Variants in ZNF2 observed in about 807,000 individuals in gnomAD.
The protein encoded by ZNF2 is zinc finger protein 2, also known as zinc finger protein 2.2.
Under a neutral mutation model 21.9 loss-of-function variants are expected in ZNF2, and 12 were observed. That is an observed-to-expected ratio of 0.55 (90% CI 0.35 to 0.89). The LOEUF (loss-of-function observed/expected upper bound fraction) is 0.89, where lower values mean the gene tolerates loss of function less well. ZNF2 is among the 40% of genes least tolerant of loss of function. ZNF2 has a pLI of 0.01. For missense variants in ZNF2, 462 were observed against 544.2 expected, an observed-to-expected ratio of 0.85 and a Z score of 1.50; for synonymous variants, 186 against 196.3, an observed-to-expected ratio of 0.95 and a Z score of 0.44.
chr2:95,169,615 TGGCA>T (rs1674203248), intron 1 of ZNF2, among the ~76,000 whole-genome samples: 1 of 152,064 alleles, frequency 6.6e-6, no homozygotes, highest in African/African-American at 2.4e-5. Context: ...CCAGGCATGG[TGGCA>T]GGCACCTATA....
At position 95,181,783 on chromosome 2, in the gene ZNF2, G is replaced by T. The variant is rs376640077; in HGVS notation, c.955G>T (p.Gly319Trp). The T allele has an allele frequency of 3.7e-6, 6 of 1,614,090 alleles. No individual in the cohort carries two copies. The African/African-American group carries it at 8.0e-5, about 22-fold the overall frequency. Residue 319 changes from glycine (G) to tryptophan (W), a missense_variant, in exon 5 of 5, where the codon GGG becomes TGG. Coordinates refer to ENST00000614034, the MANE Select transcript of ZNF2 (RefSeq NM_021088.4). ...GAAGCCTTATGAGTGTAACGAGTGC[G>T]GGAAAGCTTTCTATGGTGTCTCGTC... ...GRKPYECNEC[G>W]KAFYGVSSLN...
At position 95,182,329 on chromosome 2, in the gene ZNF2, G is replaced by T; in HGVS notation, c.*223G>T. ...AAGATACAAAATTTTGAAGAGGTTT[G>T]TCAGACAATAGGATAGATGTTAGGA... is the stretch of plus-strand genomic sequence containing the variant. On this transcript the variant is annotated 3_prime_UTR_variant, in exon 5 of 5. Coordinates refer to ENST00000614034, the MANE Select transcript of ZNF2 (RefSeq NM_021088.4). The T allele has an allele frequency of 1.8e-6, 1 of 547,588 alleles. No homozygotes were observed. Among genetic ancestry groups the T allele is most frequent in the East Asian group, 3.2e-5 (1 of 31,484 alleles). 33.9% of individuals were successfully genotyped at this position (547,588 alleles called of 1,614,324 possible).
At chr2:95,180,301 A>G (rs375545492) in intron 4 of ZNF2, 29 bp downstream of exon 4, 26 of 1,517,220 alleles carry the variant, frequency 1.7e-5, no homozygotes, top group Non-Finnish European at 2.3e-5. Context: ...GACAGAATGG[A>G]ATTTTGTTTG....
At chr2:95,178,759 G>A (rs1325505545) in intron 3 of ZNF2, among the ~76,000 whole-genome samples, 1 of 152,134 alleles carries the variant, frequency 6.6e-6, no homozygotes, top group Non-Finnish European at 1.5e-5. Context: ...GTATGCAGAT[G>A]TTCATCACAC....
intron 4 of ZNF2, among the ~76,000 whole-genome samples, chr2:95,180,486 G>A (rs1035045389): frequency 3.3e-5 from 5 of 150,586 alleles, no homozygotes; most frequent in Middle Eastern, 3.5e-3. Context: ...CGTCTGTAAC[G>A]TTGTGCACTC....
rs752724819 is a variant in ZNF2, at chr2:95,181,431, C to T, written c.603C>T (p.Tyr201=). ...HQRTHTGEKP[Y]DCRECGKAFS... ...GGACTCACACTGGGGAGAAGCCCTA[C>T]GACTGCCGCGAGTGTGGGAAAGCCT... The change falls in exon 5 of 5, where the codon TAC becomes TAT. Residue 201 remains tyrosine, a synonymous_variant. Transcript: ENST00000614034. The T allele has an allele frequency of 3.2e-5, 51 of 1,614,056 alleles. No individual in the cohort carries two copies. The highest frequency in any genetic ancestry group is 1.5e-4 in the Admixed American group (9 of 60,010).
At chr2:95,166,435 G>A (rs1166522083) in intron 1 of ZNF2, among the ~76,000 whole-genome samples, 1 of 152,104 alleles carries the variant, frequency 6.6e-6, no homozygotes, top group African/African-American at 2.4e-5. Flanking sequence ...AGGTACGCTG[G>A]GAGCCAGGGC....
chr2:95,170,929 T>C (rs995923901), intron 1 of ZNF2, among the ~76,000 whole-genome samples: 12 of 152,248 alleles, frequency 7.9e-5, no homozygotes, highest in African/African-American at 4.8e-5. Context: ...TACATACTTA[T>C]ATGAGTAGAT....
chr2:95,169,871 C>T (rs1674214745), intron 1 of ZNF2, among the ~76,000 whole-genome samples: 1 of 152,210 alleles, frequency 6.6e-6, no homozygotes. Flanking sequence ...TTACTTAGCA[C>T]ATTATTCTAA....
rs768204060 is a variant in ZNF2 at position 95,181,969 on chromosome 2, C to A, written c.1141C>A (p.Arg381=). The A allele has an allele frequency of 3.7e-6, 6 of 1,614,172 alleles. No homozygotes were observed. Among genetic ancestry groups the A allele is most frequent in the Non-Finnish European group, 5.1e-6 (6 of 1,180,062 alleles). ...CGAATGCGGGAAAGCCTTTAGCCAGCGGTGCCGGCTCACGCGGCATCAGCG... is the reference window on the plus strand; with the variant it reads ...CGAATGCGGGAAAGCCTTTAGCCAGAGGTGCCGGCTCACGCGGCATCAGCG... ...CSECGKAFSQ[R]CRLTRHQRVH... Residue 381 remains arginine, a synonymous_variant, in exon 5 of 5, where the codon CGG becomes AGG. Transcript: ENST00000614034.
chr2:95,171,442 G>A (rs1399481289), intron 1 of ZNF2, among the ~76,000 whole-genome samples: 1 of 151,530 alleles, frequency 6.6e-6, no homozygotes, highest in Non-Finnish European at 1.5e-5. Flanking sequence ...GAGTGCAGTG[G>A]TGTGATCTCG....
chr2:95,178,744 A>G (rs534333621), intron 3 of ZNF2, among the ~76,000 whole-genome samples: 17 of 152,232 alleles, frequency 1.1e-4, no homozygotes, highest in Non-Finnish European at 1.9e-4. Context: ...CTAGTAGTCC[A>G]TGGTGTATGC....
intron 1 of ZNF2, among the ~76,000 whole-genome samples, chr2:95,171,670 C>T (rs1271875748): frequency 1.3e-5 from 2 of 152,180 alleles, no homozygotes; most frequent in Admixed American, 1.3e-4. Flanking sequence ...CGTGAGCCAC[C>T]GCACCCAGCC....
rs751944935 is a variant in ZNF2, at chr2:95,181,154, G to A, written c.326G>A (p.Gly109Glu). 1.2e-6 allele frequency: 2 copies of A among 1,614,072 alleles called. No homozygotes were observed. The highest frequency in any genetic ancestry group is 1.7e-5 in the Admixed American group (1 of 60,004). The change falls in exon 5 of 5, where the codon GGA (glycine) becomes GAA (glutamate). Residue 109 changes from glycine (G) to glutamate (E), a missense_variant. Physicochemically the swap from Gly to Glu is moderately conservative, Grantham distance 98. Transcript: ENST00000614034. ...IHDASDKKSE[G>E]SLRECLGRQS... ...GATGCTTCAGACAAAAAATCAGAAG[G>A]ATCATTGAGGGAATGCCTTGGAAGG...
At chr2:95,180,977 A>T in intron 4 of ZNF2, 126 bp from the exon 5 acceptor site, 1 of 1,181,824 alleles carries the variant, frequency 8.5e-7, no homozygotes, top group Non-Finnish European at 1.2e-6. Flanking sequence ...CTGCCGTGTA[A>T]GACTATCTAT....
At chr2:95,174,962 C>T (rs186554674) in intron 1 of ZNF2, among the ~76,000 whole-genome samples, 1 of 152,296 alleles carries the variant, frequency 6.6e-6, no homozygotes, top group Admixed American at 6.5e-5. Flanking sequence ...TTTCCTCCTC[C>T]TCACCAGGAC....
chr2:95,169,559 C>T (rs1022742111), intron 1 of ZNF2, among the ~76,000 whole-genome samples: 6 of 152,042 alleles, frequency 3.9e-5, no homozygotes, highest in East Asian at 1.9e-4. Context: ...GTTCAAGACC[C>T]GCCCGGCCAA....
chr2:95,180,313 C>A, intron 4 of ZNF2, 41 bp downstream of exon 4: 2 of 1,421,168 alleles, frequency 1.4e-6, no homozygotes, highest in Non-Finnish European at 2.0e-6. Flanking sequence ...TTTTGTTTGG[C>A]TTTTTGTTAT....
chr2:95,176,802 T>G (rs939934100), intron 2 of ZNF2, among the ~76,000 whole-genome samples: 5 of 152,158 alleles, frequency 3.3e-5, no homozygotes, highest in African/African-American at 1.2e-4. Context: ...TGGAGACTCA[T>G]CTGAGGTTTT....
Sources: allele counts gnomAD v4.1 joint callset (sites outside exome capture counted in the v4.1 genomes callset), GRCh38; gene constraint gnomAD v4.1.1; transcripts MANE v1.5; gene names NCBI Gene and HGNC (gene_info 2026-07-23, HGNC 2026-07-21).